MORN5: variants seen among roughly 807,000 people sequenced by gnomAD.
The protein encoded by MORN5 is MORN repeat-containing protein 5.
Under a neutral mutation model 22.1 loss-of-function variants are expected in MORN5, and 21 were observed. The ratio of observed to expected loss-of-function variants is 0.95; its 90% CI spans 0.67 to 1.37. MORN5 has a LOEUF of 1.37. Among genes scored for constraint, MORN5 ranks in the 40% most tolerant of loss-of-function variants. The probability of loss-of-function intolerance (pLI) is 0.00; values close to 1 mark genes in which losing one functional copy is unlikely to be tolerated. For missense variants in MORN5, 211 were observed against 215.1 expected (o/e 0.98, Z 0.12); for synonymous variants, 73 against 74.0 (o/e 0.99, Z 0.07).
chr9:122,172,833 A>T (rs1829385305), intron 3 of MORN5, among the ~76,000 whole-genome samples: 1 of 152,172 alleles, frequency 6.6e-6, no homozygotes, highest in Non-Finnish European at 1.5e-5. Context: ...AGTTAAGGCA[A>T]TGACATTAAG....
chr9:122,166,598 G>A (rs955490317), intron 1 of MORN5, among the ~76,000 whole-genome samples, 170 bp from the exon 2 acceptor site: 5 of 152,088 alleles, frequency 3.3e-5, no homozygotes, highest in Non-Finnish European at 2.9e-5. Context: ...CCCTCTTTTC[G>A]TTTTTGAGCT....
At chr9:122,188,843 C>T (rs1829698239) in intron 4 of MORN5, among the ~76,000 whole-genome samples, 1 of 152,222 alleles carries the variant, frequency 6.6e-6, no homozygotes. Flanking sequence ...TCAGTCCTCT[C>T]CATCCCTGTG....
At chr9:122,176,525 C>T (rs1829453387) in intron 4 of MORN5, among the ~76,000 whole-genome samples, 1 of 152,156 alleles carries the variant, frequency 6.6e-6, no homozygotes, top group African/African-American at 2.4e-5. Flanking sequence ...TCCCACTGGA[C>T]TGTAGGATCC....
intron 4 of MORN5, chr9:122,175,576 A>G: frequency 1.0e-6 from 1 of 984,690 alleles, no homozygotes; most frequent in Non-Finnish European, 1.2e-6. Context: ...TGTCCAATGC[A>G]TGCACACACA....
intron 4 of MORN5, among the ~76,000 whole-genome samples, chr9:122,191,688 G>A (rs770797248): frequency 3.3e-5 from 5 of 152,258 alleles, no homozygotes; most frequent in African/African-American, 4.8e-5. Flanking sequence ...GCCCAAAGGC[G>A]TGCGAAGAGC....
In MORN5 at chr9:122,200,022, G is replaced by A; in HGVS notation, c.*91G>A. 1 of 1,295,150 alleles carries A rather than the reference G, an allele frequency of 7.7e-7. No homozygotes were observed. The highest frequency in any genetic ancestry group is 1.1e-6 in the Non-Finnish European group (1 of 891,086). 80.2% of individuals were successfully genotyped at this position (1,295,150 alleles called of 1,614,324 possible). A position where few individuals can be genotyped will look rare whatever the true frequency, so the allele number is the denominator to read the frequency against. ...CTGCCCTACTAGCATTGGCTGCCCTGGGGGACGGGCTGTAGTTCTAGAACC... is the reference window on the plus strand; with the variant it reads ...CTGCCCTACTAGCATTGGCTGCCCTAGGGGACGGGCTGTAGTTCTAGAACC... On this transcript the variant is annotated 3_prime_UTR_variant, in exon 5 of 5. Coordinates refer to ENST00000373764, the MANE Select transcript of MORN5 (RefSeq NM_198469.4).
intron 4 of MORN5, among the ~76,000 whole-genome samples, chr9:122,190,080 C>A (rs773255290): frequency 9.2e-5 from 14 of 152,012 alleles, no homozygotes; most frequent in Non-Finnish European, 1.9e-4. Context: ...ACCAGCTGTC[C>A]ATACACAGAG....
intron 4 of MORN5, among the ~76,000 whole-genome samples, chr9:122,186,687 G>GC (rs1829644868): frequency 1.3e-5 from 2 of 151,828 alleles, no homozygotes; most frequent in African/African-American, 2.4e-5. Context: ...CTCCCCTGCC[G>GC]CCCCCCGACT....
chr9:122,159,965 C>G lies in MORN5; in HGVS notation c.-8C>G. 2 of 1,614,022 alleles carry G rather than the reference C, an allele frequency of 1.2e-6. No homozygotes were observed. Among genetic ancestry groups the G allele is most frequent in the South Asian group, 2.2e-5 (2 of 91,088 alleles). ...GATCCTAACAGCTGGAAGCTAAAAA[C>G]AGGCGCCATGGAGTACACAGGGAGC... On this transcript the variant is annotated 5_prime_UTR_variant, in exon 1 of 5. Coordinates refer to ENST00000373764, the MANE Select transcript of MORN5 (RefSeq NM_198469.4).
chr9:122,178,404 G>A (rs149563216), intron 4 of MORN5, among the ~76,000 whole-genome samples: 31 of 152,222 alleles, frequency 2.0e-4, no homozygotes, highest in East Asian at 5.8e-4. Flanking sequence ...CAGGAGAATT[G>A]CTTGAACCCA....
chr9:122,181,289 C>T (rs891707068), intron 4 of MORN5, among the ~76,000 whole-genome samples: 1 of 152,194 alleles, frequency 6.6e-6, no homozygotes, highest in East Asian at 1.9e-4. Flanking sequence ...ATTTCTGGTA[C>T]CCGCCTTAAA....
intron 4 of MORN5, among the ~76,000 whole-genome samples, chr9:122,185,630 G>A (rs1053173909): frequency 6.6e-6 from 1 of 152,172 alleles, no homozygotes; most frequent in Non-Finnish European, 1.5e-5. Context: ...AAAGTGCTGG[G>A]ATTACAGGCA....
intron 4 of MORN5, among the ~76,000 whole-genome samples, chr9:122,191,724 C>T (rs1379138613): frequency 6.6e-6 from 1 of 152,282 alleles, no homozygotes; most frequent in African/African-American, 2.4e-5. Context: ...TGTGGGTGTG[C>T]AGTGACCCCA....
At chr9:122,164,047 G>A (rs1050897351) in intron 1 of MORN5, among the ~76,000 whole-genome samples, 1 of 152,148 alleles carries the variant, frequency 6.6e-6, no homozygotes, top group Non-Finnish European at 1.5e-5. Context: ...ACCATGCCCA[G>A]CTAATTGATA....
intron 4 of MORN5, among the ~76,000 whole-genome samples, chr9:122,199,658 C>T (rs1334913957): frequency 3.3e-5 from 5 of 150,542 alleles, no homozygotes; most frequent in Admixed American, 6.6e-5. Context: ...TGCTTGCCTC[C>T]GCCAGCAGCA....
intron 4 of MORN5, among the ~76,000 whole-genome samples, chr9:122,191,400 C>T (rs1234424608): frequency 1.3e-5 from 2 of 152,218 alleles, no homozygotes; most frequent in African/African-American, 2.4e-5. Context: ...TTCCCTCTGC[C>T]CTGATGGAAG....
At chr9:122,169,478 C>T (rs988861239) in intron 2 of MORN5, among the ~76,000 whole-genome samples, 167 bp from the exon 3 acceptor site, 6 of 152,094 alleles carry the variant, frequency 3.9e-5, no homozygotes, top group African/African-American at 7.2e-5. Flanking sequence ...GGACAGGGCT[C>T]GGCACTTATA....
chr9:122,173,539 C>A (rs926211690), intron 3 of MORN5, among the ~76,000 whole-genome samples: 1 of 152,152 alleles, frequency 6.6e-6, no homozygotes, highest in African/African-American at 2.4e-5. Context: ...GGGCATGGTG[C>A]TGTGTGCTCA....
chr9:122,193,446 G>T (rs998220776), intron 4 of MORN5, among the ~76,000 whole-genome samples: 1 of 152,162 alleles, frequency 6.6e-6, no homozygotes, highest in East Asian at 1.9e-4. Context: ...TTAGCTGGGC[G>T]TGGTGGCGCA....
Sources: gnomAD v4.1 joint callset for allele counts (sites outside exome capture counted in the v4.1 genomes callset) on GRCh38, gnomAD v4.1.1 for gene constraint, MANE v1.5 for transcripts, NCBI Gene and HGNC (gene_info 2026-07-23, HGNC 2026-07-21) for gene names.